DCC: variants seen among roughly 807,000 people sequenced by gnomAD.
DCC encodes netrin receptor DCC.
A neutral mutation model predicts 172.5 loss-of-function variants in DCC; 58 were observed. The ratio of observed to expected loss-of-function variants is 0.34; its 90% CI spans 0.27 to 0.42. The LOEUF (loss-of-function observed/expected upper bound fraction) is 0.42. Ranked by LOEUF, DCC falls within the 10% of genes least tolerant of loss-of-function variation. DCC has a pLI of 1.00. For synonymous variants in DCC, 709 were observed against 644.5 expected (o/e 1.10, Z -1.52); for missense variants, 1,740 against 1,791.0 (o/e 0.97, Z 0.51).
At chr18:52,613,387 C>G (rs2034312195) in intron 1 of DCC, among the ~76,000 whole-genome samples, 4 of 152,120 alleles carry the variant, frequency 2.6e-5, no homozygotes, top group Admixed American at 2.6e-4. Context: ...TCCCGAGTAG[C>G]TGGGACTACA....
At chr18:52,772,680 T>C (rs1391423121) in intron 2 of DCC, among the ~76,000 whole-genome samples, 1 of 152,204 alleles carries the variant, frequency 6.6e-6, no homozygotes, top group Non-Finnish European at 1.5e-5. Context: ...CAGAAAAAGA[T>C]CTGATCCATC....
chr18:52,556,152 A>G (rs892514353), intron 1 of DCC, among the ~76,000 whole-genome samples: 2 of 152,148 alleles, frequency 1.3e-5, no homozygotes, highest in African/African-American at 4.8e-5. Context: ...CCAATCCTAT[A>G]CATTCCTCAT....
At chr18:53,263,427 C>T (rs773860090) in intron 12 of DCC, among the ~76,000 whole-genome samples, 3 of 152,208 alleles carry the variant, frequency 2.0e-5, no homozygotes, top group Non-Finnish European at 2.9e-5. Context: ...GCTGGGATTA[C>T]AGGCATGAGC....
At chr18:53,027,558 T>C (rs1262718745) in intron 5 of DCC, among the ~76,000 whole-genome samples, 4 of 152,184 alleles carry the variant, frequency 2.6e-5, no homozygotes, top group Non-Finnish European at 4.4e-5. Flanking sequence ...CTTCAGGTCC[T>C]CTGTAGGAGA....
chr18:53,257,313 A>G (rs2056531686), intron 12 of DCC, among the ~76,000 whole-genome samples: 1 of 152,172 alleles, frequency 6.6e-6, no homozygotes, highest in South Asian at 2.1e-4. Flanking sequence ...GAATGCTTCC[A>G]GTTTTTGCCC....
At chr18:53,236,379 C>T (rs1474551829) in intron 12 of DCC, among the ~76,000 whole-genome samples, 3 of 151,972 alleles carry the variant, frequency 2.0e-5, no homozygotes, top group Admixed American at 6.6e-5. Context: ...CTTTTTTGCA[C>T]ATTACTTTAG....
chr18:52,394,891 T>A (rs1447785634), intron 1 of DCC, among the ~76,000 whole-genome samples: 1 of 152,024 alleles, frequency 6.6e-6, no homozygotes, highest in African/African-American at 2.4e-5. Flanking sequence ...AAATAGTTAA[T>A]GAAAGACTTT....
At chr18:52,504,605 T>A (rs1183625481) in intron 1 of DCC, among the ~76,000 whole-genome samples, 2 of 152,254 alleles carry the variant, frequency 1.3e-5, no homozygotes, top group Middle Eastern at 3.4e-3. Flanking sequence ...GGTGACTGTA[T>A]TTTATAGGTC....
intron 7 of DCC, among the ~76,000 whole-genome samples, chr18:53,152,165 A>G (rs886848996): frequency 1.3e-5 from 2 of 152,190 alleles, no homozygotes; most frequent in Non-Finnish European, 2.9e-5. Flanking sequence ...TGGTGGCTAC[A>G]TTTGTAATAT....
rs1241278236 is a variant in DCC at position 53,428,729 on chromosome 18, T to C, written c.3164-6415T>C. Among the ~76,000 whole-genome samples the C allele has an allele frequency of 6.2e-5, 2 of 32,442 alleles. 1 individual carries two copies. The highest frequency in any genetic ancestry group is 1.5e-4 in the African/African-American group (2 of 13,314). The allele number at this position is 32,442 out of a possible 152,430, so 21.3% of individuals were successfully genotyped here. On this transcript the variant is annotated intron_variant, in intron 21 of 28. Coordinates refer to ENST00000442544, the MANE Select transcript of DCC (RefSeq NM_005215.4). ...ATATATTATATATATTTATATATATTATATTATATACTATATATTTTATAT... is the reference window on the plus strand; with the variant it reads ...ATATATTATATATATTTATATATATCATATTATATACTATATATTTTATAT...
intron 2 of DCC, among the ~76,000 whole-genome samples, chr18:52,869,639 CCAG>C (rs760943013): frequency 3.3e-5 from 5 of 152,346 alleles, no homozygotes; most frequent in Middle Eastern, 3.4e-3. Context: ...CCGAGGGGCA[CCAG>C]CAGGCCAGCA....
At chr18:53,195,827 A>C (rs1468069505) in intron 9 of DCC, among the ~76,000 whole-genome samples, 1 of 152,158 alleles carries the variant, frequency 6.6e-6, no homozygotes, top group East Asian at 1.9e-4. Flanking sequence ...TATTTCTGGA[A>C]TTCCTATATG....
chr18:53,129,368 A>C (rs1447471778), intron 7 of DCC, among the ~76,000 whole-genome samples: 1 of 152,058 alleles, frequency 6.6e-6, no homozygotes, highest in Non-Finnish European at 1.5e-5. Context: ...TCAAGTGTTG[A>C]GTTCACTGAA....
chr18:52,835,303 A>C (rs747393519), intron 2 of DCC, among the ~76,000 whole-genome samples: 1 of 152,224 alleles, frequency 6.6e-6, no homozygotes, highest in Non-Finnish European at 1.5e-5. Flanking sequence ...CAATTTTAAA[A>C]CACCACTCAA....
At chr18:53,206,334 T>C (rs1250943033) in intron 10 of DCC, among the ~76,000 whole-genome samples, 2 of 52,682 alleles carry the variant, frequency 3.8e-5, no homozygotes, top group Non-Finnish European at 7.7e-5. Context: ...TTGTAACACA[T>C]ATATGTATAT....
intron 23 of DCC, among the ~76,000 whole-genome samples, chr18:53,457,022 G>C (rs1052069266): frequency 6.6e-6 from 1 of 152,180 alleles, no homozygotes; most frequent in African/African-American, 2.4e-5. Flanking sequence ...GGAAATAAAA[G>C]TGGTTAGATG....
intron 15 of DCC, among the ~76,000 whole-genome samples, chr18:53,340,267 TA>T (rs1229044169): frequency 1.3e-5 from 2 of 152,176 alleles, no homozygotes; most frequent in African/African-American, 4.8e-5. Flanking sequence ...ATAATTTCTA[TA>T]AAAAGAAAGT....
chr18:52,924,646 T>A (rs55729043), intron 4 of DCC, among the ~76,000 whole-genome samples: 46 of 152,226 alleles, frequency 3.0e-4, no homozygotes, highest in Admixed American at 7.2e-4. Context: ...TTTATTTTTA[T>A]AGAGAAGGTA....
chr18:53,281,111 T>C (rs963735340), intron 12 of DCC, among the ~76,000 whole-genome samples: 12 of 152,154 alleles, frequency 7.9e-5, no homozygotes, highest in Non-Finnish European at 1.6e-4. Context: ...ATAAAAGATC[T>C]GTTTTTTAAA....
Sources: gnomAD v4.1 joint callset for allele counts (sites outside exome capture counted in the v4.1 genomes callset) on GRCh38, gnomAD v4.1.1 for gene constraint, MANE v1.5 for transcripts, NCBI Gene and HGNC (gene_info 2026-07-23, HGNC 2026-07-21) for gene names.